WWC1: variants seen among roughly 807,000 people sequenced by gnomAD.
The protein encoded by WWC1 is WW and C2 domain containing 1.
A neutral mutation model predicts 138.4 loss-of-function variants in WWC1; 55 were observed. The observed-to-expected ratio is 0.40, with a 90% CI of 0.32 to 0.50. The LOEUF is 0.50. Ranked by LOEUF, WWC1 falls within the 20% of genes least tolerant of loss-of-function variation. The pLI, the probability that WWC1 is intolerant of heterozygous loss-of-function variation, is 0.72. For missense variants in WWC1, 1,226 were observed against 1,420.4 expected (o/e 0.86, Z 2.20); for synonymous variants, 524 against 564.9 (o/e 0.93, Z 1.03).
At chr5:168,322,979 C>T (rs1456463563) in intron 1 of WWC1, among the ~76,000 whole-genome samples, 4 of 152,132 alleles carry the variant, frequency 2.6e-5, no homozygotes, top group African/African-American at 9.7e-5. Flanking sequence ...GTCCAGCCAA[C>T]AGTAGAAAAG....
intron 21 of WWC1, 146 bp from the exon 22 acceptor site, chr5:168,467,694 T>G (rs1471364320): frequency 8.4e-7 from 1 of 1,194,810 alleles, no homozygotes; most frequent in Non-Finnish European, 1.2e-6. Context: ...CACTTCCCAT[T>G]ATCGTTCTGA....
chr5:168,311,736 G>A (rs754008066), intron 1 of WWC1, among the ~76,000 whole-genome samples: 13 of 152,304 alleles, frequency 8.5e-5, no homozygotes, highest in African/African-American at 3.1e-4. Context: ...AATTAGCTGG[G>A]TGTGGTGGCA....
At chr5:168,403,060 T>TTCTTTCTC (rs1779476488) in intron 5 of WWC1, among the ~76,000 whole-genome samples, 3 of 124,038 alleles carry the variant, frequency 2.4e-5, no homozygotes, top group East Asian at 4.0e-4. Context: ...CTTTCTTTCT[T>TTCTTTCTC]TCTTTCTTTC....
At chr5:168,433,956 C>T (rs566133074) in intron 15 of WWC1, among the ~76,000 whole-genome samples, 2 of 152,314 alleles carry the variant, frequency 1.3e-5, no homozygotes, top group African/African-American at 2.4e-5. Flanking sequence ...TGGCAGAAGC[C>T]GTATTTGAAC....
At chr5:168,418,487 T>C (rs1480615623) in intron 9 of WWC1, among the ~76,000 whole-genome samples, 2 of 152,178 alleles carry the variant, frequency 1.3e-5, no homozygotes, top group Non-Finnish European at 2.9e-5. Context: ...CCTGCCTCCA[T>C]GCTTGATGCG....
At chr5:168,438,205 T>A (rs1018456374) in intron 15 of WWC1, among the ~76,000 whole-genome samples, 1 of 152,118 alleles carries the variant, frequency 6.6e-6, no homozygotes, top group Non-Finnish European at 1.5e-5. Context: ...GTCCCAGACC[T>A]AGCACAGCCC....
rs59111838 is a variant in WWC1 at position 168,292,770 on chromosome 5, C to G, written c.119+499C>G. 0.25 allele frequency among the ~76,000 whole-genome samples: 37,231 copies of G among 151,938 alleles called. 5,595 individuals are homozygous for G. Among genetic ancestry groups the G allele is most frequent in the East Asian group, 0.72 (3,674 of 5,102 alleles). ...ACCACTGGAGAGAGGGCACTCGGCG[C>G]AGAGGAAGGCAACCTGAGGTGTGCT... On this transcript the variant is annotated intron_variant, in intron 1 of 22. Coordinates refer to ENST00000265293, the MANE Select transcript of WWC1 (RefSeq NM_015238.3). The surrounding 1 kb of genome is among the most constrained non-coding windows in gnomAD (Gnocchi z 4.4).
chr5:168,315,285 G>A (rs1403346595), intron 1 of WWC1, among the ~76,000 whole-genome samples: 1 of 151,520 alleles, frequency 6.6e-6, no homozygotes, highest in Non-Finnish European at 1.5e-5. Context: ...TTCCTGGGCC[G>A]CCACCCTAAG....
At chr5:168,367,813 T>C (rs1025060406) in intron 1 of WWC1, among the ~76,000 whole-genome samples, 1 of 152,128 alleles carries the variant, frequency 6.6e-6, no homozygotes, top group Non-Finnish European at 1.5e-5. Context: ...AGTTAGCCCT[T>C]ATTCAACATT....
At chr5:168,349,989 A>G (rs900621718) in intron 1 of WWC1, among the ~76,000 whole-genome samples, 5 of 152,110 alleles carry the variant, frequency 3.3e-5, no homozygotes, top group Non-Finnish European at 7.4e-5. Context: ...GCTGCTAAAA[A>G]CACCTGCTTC....
chr5:168,465,013 CG>C (rs766014218), intron 21 of WWC1, 51 bp downstream of exon 21: 1 of 1,591,704 alleles, frequency 6.3e-7, no homozygotes, highest in Non-Finnish European at 8.6e-7. Context: ...CCCAGAGAGT[CG>C]GGGGGCACTG....
chr5:168,357,509 TGCACGTGCGTG>T (rs1227468583), intron 1 of WWC1, among the ~76,000 whole-genome samples: 3 of 144,660 alleles, frequency 2.1e-5, no homozygotes, highest in South Asian at 2.3e-4. Context: ...CGCGCACGCA[TGCACGTGCGTG>T]CATGCCAGGG....
At chr5:168,337,666 T>C (rs1773608542) in intron 1 of WWC1, among the ~76,000 whole-genome samples, 1 of 152,232 alleles carries the variant, frequency 6.6e-6, no homozygotes, top group Non-Finnish European at 1.5e-5. Flanking sequence ...CTAGTGTTTG[T>C]GCTACAGACG....
At chr5:168,332,411 G>C (rs1773106085) in intron 1 of WWC1, among the ~76,000 whole-genome samples, 1 of 152,084 alleles carries the variant, frequency 6.6e-6, no homozygotes. Flanking sequence ...ATAACTTATT[G>C]GTAGTGTTTT....
At chr5:168,333,260 T>C (rs1773188865) in intron 1 of WWC1, among the ~76,000 whole-genome samples, 1 of 152,206 alleles carries the variant, frequency 6.6e-6, no homozygotes, top group Non-Finnish European at 1.5e-5. Context: ...TCTTTCCCTT[T>C]CTCCTCTCCT....
intron 1 of WWC1, among the ~76,000 whole-genome samples, chr5:168,296,508 A>G (rs989816813): frequency 1.3e-5 from 2 of 152,216 alleles, no homozygotes; most frequent in Non-Finnish European, 2.9e-5. Flanking sequence ...GTTTTTGCAC[A>G]TAATTTCAGG....
rs754693403 is a variant in WWC1 at position 168,423,711 on chromosome 5, C to T, written c.1453C>T (p.Leu485Phe). Residue 485 changes from leucine (L) to phenylalanine (F), a missense_variant, in exon 11 of 23, where the codon CTC (leucine) becomes TTC (phenylalanine). Physicochemically the swap from Leu to Phe is conservative, Grantham distance 22 (BLOSUM62 0). This residue lies in a region of WWC1 where 1,016 missense variants were observed against 1,153.9 expected (regional missense o/e 0.88). Transcript: ENST00000265293. ...SELQSKVEFL[L>F]LEGATGFRPS... ...GCTGCAGAGCAAGGTGGAGTTCCTG[C>T]TCCTGGAGGGGGCCACCGGCTTCCG... is the stretch of plus-strand genomic sequence containing the variant. The T allele has an allele frequency of 6.2e-7, 1 of 1,614,188 alleles. No individual in the cohort carries two copies. Among genetic ancestry groups the T allele is most frequent in the South Asian group, 1.1e-5 (1 of 91,080 alleles).
intron 19 of WWC1, among the ~76,000 whole-genome samples, chr5:168,456,978 A>G (rs774872598): frequency 6.6e-6 from 1 of 152,130 alleles, no homozygotes; most frequent in African/African-American, 2.4e-5. Flanking sequence ...CGCATCTTCA[A>G]ATAACAGAAA....
chr5:168,423,149 CAAAAAAAAAAA>C (rs773855632), intron 10 of WWC1, among the ~76,000 whole-genome samples: 1 of 71,298 alleles, frequency 1.4e-5, no homozygotes, highest in Non-Finnish European at 2.5e-5. Context: ...CATCCCCCCC[CAAAAAAAAAAA>C]AAAAAAAAAA....
Sources: allele counts gnomAD v4.1 joint callset (sites outside exome capture counted in the v4.1 genomes callset), GRCh38; gene constraint gnomAD v4.1.1; regional missense constraint gnomAD v4.1.1; non-coding constraint Gnocchi (gnomAD v3.1); transcripts MANE v1.5; gene names NCBI Gene and HGNC (gene_info 2026-07-23, HGNC 2026-07-21).